MEGF11: variants seen among roughly 807,000 people sequenced by gnomAD.
The protein encoded by MEGF11 is multiple EGF like domains 11.
Under a neutral mutation model 146.6 loss-of-function variants are expected in MEGF11, and 126 were observed. The ratio of observed to expected loss-of-function variants is 0.86; its 90% CI spans 0.74 to 1.00. The LOEUF is 1.00. Among genes scored for constraint, MEGF11 ranks in the 50% least tolerant of loss-of-function variants. The pLI, the probability that MEGF11 is intolerant of heterozygous loss-of-function variation, is 0.00. For missense variants in MEGF11, 1,509 were observed against 1,521.2 expected (o/e 0.99, Z 0.13); for synonymous variants, 532 against 583.4 (o/e 0.91, Z 1.27).
intron 1 of MEGF11, among the ~76,000 whole-genome samples, chr15:66,241,579 G>A (rs1416727175): frequency 1.3e-5 from 2 of 152,176 alleles, no homozygotes; most frequent in Admixed American, 1.3e-4. Flanking sequence ...GGGCAATTAG[G>A]AAGGTCTCCA....
intron 5 of MEGF11, among the ~76,000 whole-genome samples, chr15:65,996,581 G>C (rs971930294): frequency 6.6e-6 from 1 of 151,790 alleles, no homozygotes; most frequent in Admixed American, 6.6e-5. Flanking sequence ...TGCCTCCCGG[G>C]TTCAAGTGAT....
At chr15:66,205,415 G>T (rs1353222918) in intron 1 of MEGF11, among the ~76,000 whole-genome samples, 1 of 152,146 alleles carries the variant, frequency 6.6e-6, no homozygotes, top group Non-Finnish European at 1.5e-5. Flanking sequence ...CTGCAATTCA[G>T]CCTGGGAGAC....
intron 5 of MEGF11, among the ~76,000 whole-genome samples, chr15:66,053,164 A>G (rs893548345): frequency 2.6e-5 from 4 of 152,140 alleles, no homozygotes; most frequent in Admixed American, 2.0e-4. Context: ...CTTCCTTGTA[A>G]TTGTTCACTA....
intron 5 of MEGF11, among the ~76,000 whole-genome samples, chr15:66,055,514 G>A (rs977212440): frequency 1.3e-5 from 2 of 152,258 alleles, no homozygotes; most frequent in Admixed American, 6.5e-5. Flanking sequence ...TTGTGCTGGT[G>A]TGTCAGAATC....
intron 5 of MEGF11, among the ~76,000 whole-genome samples, chr15:66,069,560 G>A (rs1001666585): frequency 2.0e-5 from 3 of 152,142 alleles, no homozygotes; most frequent in Non-Finnish European, 4.4e-5. Context: ...TCCCACAGTC[G>A]GGACCATGGT....
At chr15:66,247,157 C>CCTAG (rs1430493239) in intron 1 of MEGF11, among the ~76,000 whole-genome samples, 2 of 152,124 alleles carry the variant, frequency 1.3e-5, no homozygotes, top group African/African-American at 4.8e-5. Context: ...GGAAGCCTTC[C>CCTAG]CTAGCTACTA....
chr15:66,129,446 A>G (rs1420586723), intron 1 of MEGF11, among the ~76,000 whole-genome samples: 1 of 152,228 alleles, frequency 6.6e-6, no homozygotes, highest in African/African-American at 2.4e-5. Flanking sequence ...CATAGATGCT[A>G]TCGTGATTTA....
chr15:65,953,925 A>C (rs1330635412), intron 10 of MEGF11, among the ~76,000 whole-genome samples: 1 of 151,966 alleles, frequency 6.6e-6, no homozygotes. Flanking sequence ...CAGCCCCTAG[A>C]GTCTACTTTC....
intron 7 of MEGF11, 191 bp from the exon 8 acceptor site, chr15:65,970,880 A>G: frequency 1.6e-6 from 1 of 619,168 alleles, no homozygotes; most frequent in East Asian, 2.8e-5. Flanking sequence ...TTGCTCATCC[A>G]GTTATTCAGC....
intron 5 of MEGF11, among the ~76,000 whole-genome samples, chr15:66,062,570 G>A (rs1567223544): frequency 6.6e-6 from 1 of 152,134 alleles, no homozygotes; most frequent in Non-Finnish European, 1.5e-5. Context: ...ATCCTCTGAT[G>A]AGACTGCAGC....
At chr15:66,198,851 C>A (rs774778391) in intron 1 of MEGF11, among the ~76,000 whole-genome samples, 5 of 152,118 alleles carry the variant, frequency 3.3e-5, no homozygotes, top group Non-Finnish European at 7.4e-5. Context: ...TGGGCTCAAG[C>A]CATCCGCCTG....
rs1491078176 is a variant in MEGF11, at chr15:65,965,611, TTC to T, written c.900-493_900-492del. On this transcript the variant is annotated intron_variant, in intron 8 of 25. Transcript: ENST00000395614. ...TTCTTTCTTTCTTTCTTTTTTTTTT[TTC>T]TTTTTTTTTTTTTTGGCTCTTCTAT... Among the ~76,000 whole-genome samples, 376 of 60,454 alleles carry T rather than the reference TTC, an allele frequency of 6.2e-3. 51 individuals are homozygous for T. The highest frequency in any genetic ancestry group is 0.052 in the East Asian group (79 of 1,528). The allele number at this position is 60,454 out of a possible 152,430, so 39.7% of individuals were successfully genotyped here.
intron 1 of MEGF11, among the ~76,000 whole-genome samples, chr15:66,143,204 G>A (rs2141011851): frequency 6.6e-6 from 1 of 152,392 alleles, no homozygotes; most frequent in South Asian, 2.1e-4. Flanking sequence ...GAAGACGGTG[G>A]TGGTGGGAAG....
rs1433795932 is a variant in MEGF11 at position 66,094,467 on chromosome 15, C to T, written c.329G>A (p.Gly110Asp). 6.4e-7 allele frequency: 1 copy of T among 1,560,582 alleles called. No individual in the cohort carries two copies. The highest frequency in any genetic ancestry group is 8.7e-7 in the Non-Finnish European group (1 of 1,152,192). ...GCAGGTGTCCGGGGAAACGCAGCGG[C>T]CGTGCACACACTCCTCCGTACACAG... is the stretch of plus-strand genomic sequence containing the variant. ...IPLCTEECVH[G>D]RCVSPDTCHC... The change falls in exon 5 of 26, where the codon GGC becomes GAC. Residue 110 changes from glycine to aspartate, a missense_variant. Transcript: ENST00000395614.
intron 1 of MEGF11, among the ~76,000 whole-genome samples, chr15:66,180,663 T>C (rs1203428565): frequency 6.6e-6 from 1 of 152,226 alleles, no homozygotes; most frequent in Admixed American, 6.5e-5. Context: ...CGGTAATCCA[T>C]TGTAACACTT....
Position 66,100,468 on chromosome 15 carries a change from G to A in MEGF11, c.302-5974C>T, listed in dbSNP as rs564166029. The stretch of plus-strand genomic sequence containing the variant: ...AGAACAGACCGGGAGCCAGGCTGTC[G>A]GGACTCAGGCTTGGATTCTGCTACT... On this transcript the variant is annotated intron_variant, in intron 4 of 25. Transcript: ENST00000395614. 3.1e-3 allele frequency among the ~76,000 whole-genome samples: 470 copies of A among 152,296 alleles called. 1 individual carries two copies. Among genetic ancestry groups the A allele is most frequent in the Middle Eastern group, 0.01 (3 of 294 alleles).
intron 24 of MEGF11, among the ~76,000 whole-genome samples, chr15:65,905,062 T>C (rs1385415691): frequency 6.6e-6 from 1 of 152,136 alleles, no homozygotes; most frequent in East Asian, 1.9e-4. Context: ...CTGGCTAATT[T>C]TTGTATGTTT....
At chr15:65,908,929 A>C (rs2078709914) in intron 23 of MEGF11, 105 bp downstream of exon 23, 3 of 661,630 alleles carry the variant, frequency 4.5e-6, no homozygotes, top group South Asian at 3.6e-5. Context: ...TAAAAGGGAG[A>C]GTTCTGGGAC....
intron 9 of MEGF11, among the ~76,000 whole-genome samples, 199 bp from the exon 10 acceptor site, chr15:65,957,920 A>C (rs988047802): frequency 6.6e-6 from 1 of 152,200 alleles, no homozygotes; most frequent in African/African-American, 2.4e-5. Flanking sequence ...GCTGAGGCTC[A>C]GGGTGATTAT....
Sources: allele counts gnomAD v4.1 joint callset (sites outside exome capture counted in the v4.1 genomes callset), GRCh38; gene constraint gnomAD v4.1.1; transcripts MANE v1.5; gene names NCBI Gene and HGNC (gene_info 2026-07-23, HGNC 2026-07-21).